The following FRS3 variants were observed in gnomAD, a reference collection of about 807,000 sequenced individuals.
FRS3 encodes the protein FGFR substrate 3.
A neutral mutation model predicts 41.9 loss-of-function variants in FRS3; 17 were observed. The observed-to-expected ratio is 0.41, with a 90% confidence interval of 0.28 to 0.61. The LOEUF (loss-of-function observed/expected upper bound fraction) is 0.61, where lower values mean the gene tolerates loss of function less well. FRS3 is among the 20% of genes least tolerant of loss of function. The pLI is 0.36. For synonymous variants in FRS3, 287 were observed against 274.5 expected (o/e 1.05, Z -0.45); for missense variants, 619 against 672.1 (o/e 0.92, Z 0.87).
At chr6:41,779,494 T>C (rs568545345) in intron 1 of FRS3, among the ~76,000 whole-genome samples, 46 of 151,838 alleles carry the variant, frequency 3.0e-4, no homozygotes, top group African/African-American at 9.4e-4. Context: ...AGGAGATTTG[T>C]TGAGTGAATG....
At chr6:41,774,981 G>A (rs1470004375) in intron 4 of FRS3, among the ~76,000 whole-genome samples, 2 of 152,064 alleles carry the variant, frequency 1.3e-5, no homozygotes, top group South Asian at 2.1e-4. Flanking sequence ...CTCACCCAGC[G>A]CCCCTGCCTC....
At chr6:41,779,508 G>C (rs185201073) in intron 1 of FRS3, among the ~76,000 whole-genome samples, 7 of 152,056 alleles carry the variant, frequency 4.6e-5, no homozygotes, top group African/African-American at 1.7e-4. Flanking sequence ...GTGAATGAGG[G>C]GGTTCTGAGG....
chr6:41,770,895 G>T lies in FRS3; in HGVS notation c.1203C>A (p.Asn401Lys). Residue 401 changes from asparagine to lysine, a missense_variant, in exon 7 of 7, where the codon AAC becomes AAA. Physicochemically the swap from Asn to Lys is moderately conservative, Grantham distance 94. Coordinates refer to ENST00000373018, the MANE Select transcript of FRS3 (RefSeq NM_006653.5). ...CGGGCCCCGGCCGGCGGAAATCAAA[G>T]TTGAAGACCCTTGGGGAGCCGCGGC... The part of the protein sequence containing the change: ...TRRRGSPRVF[N>K]FDFRRPGPEP... 3 of 1,610,914 alleles carry T rather than the reference G, an allele frequency of 1.9e-6. No individual in the cohort carries two copies. Among genetic ancestry groups the T allele is most frequent in the Non-Finnish European group, 2.5e-6 (3 of 1,179,976 alleles).
chr6:41,770,781 G>A lies in FRS3; in HGVS notation c.1317C>T (p.Pro439=), dbSNP rs375323570. ...RPKGPQNPSS[P]QAPMPTTHPA... ...GGTGGGTGGTGGGCATGGGGGCTTG[G>A]GGGCTCGAGGGGTTCTGGGGCCCCT... Residue 439 remains proline, a synonymous_variant, in exon 7 of 7, where the codon CCC becomes CCT. Coordinates refer to ENST00000373018, the MANE Select transcript of FRS3 (RefSeq NM_006653.5). 6.2e-6 allele frequency: 10 copies of A among 1,612,316 alleles called. No homozygotes were observed. The African/African-American group carries it at 9.3e-5, about 15-fold the overall frequency.
In FRS3 at chr6:41,771,150, C is replaced by CCGG; in HGVS notation, c.945_947dup (p.Arg316dup). 6.4e-7 allele frequency: 1 copy of CCGG among 1,557,710 alleles called. No homozygotes were observed. Among genetic ancestry groups the CCGG allele is most frequent in the South Asian group, 1.2e-5 (1 of 81,968 alleles). ...GGTTCTCATAGTGCAGCAGGGCGGC[C>CCGG]CGGCGGTGGGCAAGGCCATTCCAGC... On this transcript the variant is annotated inframe_insertion, in exon 7 of 7. Coordinates refer to ENST00000373018, the MANE Select transcript of FRS3 (RefSeq NM_006653.5).
At chr6:41,771,688 G>C in intron 6 of FRS3, 128 bp downstream of exon 6, 3 of 1,185,898 alleles carry the variant, frequency 2.5e-6, no homozygotes, top group Non-Finnish European at 2.3e-6. Flanking sequence ...TCCCTTTTGG[G>C]GACAGGAAGG....
Position 41,770,868 on chromosome 6 carries a change from C to T in FRS3, c.1230G>A (p.Glu410=), listed in dbSNP as rs1254792181. The T allele has an allele frequency of 6.2e-7, 1 of 1,609,582 alleles. No homozygotes were observed. Among genetic ancestry groups the T allele is most frequent in the Non-Finnish European group, 8.5e-7 (1 of 1,179,920 alleles). ...GGATGTAGTTAAGCTGCCTTGGGGGCTCGGGCCCCGGCCGGCGGAAATCAA... is the reference window on the plus strand; with the variant it reads ...GGATGTAGTTAAGCTGCCTTGGGGGTTCGGGCCCCGGCCGGCGGAAATCAA... ...FNFDFRRPGP[E]PPRQLNYIQV... is the part of the protein sequence containing the mutation. The change falls in exon 7 of 7, where the codon GAG becomes GAA. Residue 410 remains glutamate, a synonymous_variant. Coordinates refer to ENST00000373018, the MANE Select transcript of FRS3 (RefSeq NM_006653.5).
Position 41,775,410 on chromosome 6 carries a change from G to C in FRS3, c.253+9C>G, listed in dbSNP as rs765342984. The C allele has an allele frequency of 1.2e-5, 19 of 1,605,008 alleles. No individual in the cohort carries two copies. Among genetic ancestry groups the C allele is most frequent in the Non-Finnish European group, 1.5e-5 (18 of 1,176,712 alleles). Reference sequence around the variant, plus strand: ...CCTATCCCAGGGTGGAGCAGGGCCTGGTACTCACCCTGGCCTGTCTGACAT... The same window carrying C: ...CCTATCCCAGGGTGGAGCAGGGCCTCGTACTCACCCTGGCCTGTCTGACAT... On this transcript the variant is annotated intron_variant, in intron 4 of 6. Transcript: ENST00000373018.
At position 41,771,282 on chromosome 6, in the gene FRS3, GTTA is replaced by G. The variant is rs1297017644; in HGVS notation, c.813_815del (p.Asn273del). 1.2e-6 allele frequency: 2 copies of G among 1,612,842 alleles called. No individual in the cohort carries two copies. Among genetic ancestry groups the G allele is most frequent in the Non-Finnish European group, 1.7e-6 (2 of 1,179,256 alleles). ...CTGGACACTCAGAAGGGGCCTCATT[GTTA>G]TTATTGTGGTGTGGGGGGTCATGCA... is the stretch of plus-strand genomic sequence containing the variant. On this transcript the variant is annotated inframe_deletion, in exon 7 of 7. Coordinates refer to ENST00000373018, the MANE Select transcript of FRS3 (RefSeq NM_006653.5).
rs1312525816 is a variant in FRS3 at position 41,771,262 on chromosome 6, C to T, written c.836G>A (p.Cys279Tyr). 6.2e-7 allele frequency: 1 copy of T among 1,607,966 alleles called. No homozygotes were observed. Among genetic ancestry groups the T allele is most frequent in the South Asian group, 1.1e-5 (1 of 90,472 alleles). Reference sequence around the variant, plus strand: ...GTAGGTGCACTTGGGCTGGGCTGGACACTCAGAAGGGGCCTCATTGTTATT... The same window carrying T: ...GTAGGTGCACTTGGGCTGGGCTGGATACTCAGAAGGGGCCTCATTGTTATT... ...HNNNNEAPSE[C>Y]PAQPKCTYEN... Residue 279 changes from cysteine to tyrosine, a missense_variant, in exon 7 of 7, where the codon TGT (cysteine) becomes TAT (tyrosine). Around this residue, in one of 3 missense-constraint regions of FRS3, gnomAD observed 487 missense variants for 478.3 expected, o/e 1.02. Coordinates refer to ENST00000373018, the MANE Select transcript of FRS3 (RefSeq NM_006653.5).
intron 3 of FRS3, among the ~76,000 whole-genome samples, chr6:41,776,054 A>T (rs149013270): frequency 2.0e-5 from 3 of 152,246 alleles, no homozygotes; most frequent in African/African-American, 7.2e-5. Flanking sequence ...CACCTCCCCA[A>T]CTGTGTGCCC....
At chr6:41,777,122 CTG>C in intron 2 of FRS3, 112 bp from the exon 3 acceptor site, 1 of 712,084 alleles carries the variant, frequency 1.4e-6, no homozygotes, top group East Asian at 2.7e-5. Context: ...GTCCAAGAGA[CTG>C]TGTGATACAG....
chr6:41,773,499 C>A (rs1408190213), intron 4 of FRS3, among the ~76,000 whole-genome samples: 1 of 152,184 alleles, frequency 6.6e-6, no homozygotes, highest in Non-Finnish European at 1.5e-5. Context: ...CCACATTGAA[C>A]ACTCCAGCTA....
In FRS3 at chr6:41,771,478, T is replaced by C; in HGVS notation, c.620A>G (p.His207Arg). Residue 207 changes from histidine to arginine, a missense_variant, in exon 7 of 7, where the codon CAC (histidine) becomes CGC (arginine). His to Arg is a conservative substitution (Grantham distance 29). Transcript: ENST00000373018. ...ASEDDHRRGR[H>R]CLQPLPEGQA... ...ACCCTCAGGCAGGGGCTGCAGGCAG[T>C]GGCGGCCCCTGCGGTGGTCATCTTC... 6.3e-7 allele frequency: 1 copy of C among 1,587,644 alleles called. No homozygotes were observed. The highest frequency in any genetic ancestry group is 8.6e-7 in the Non-Finnish European group (1 of 1,167,228).
At chr6:41,779,120 C>A (rs909105241) in intron 1 of FRS3, among the ~76,000 whole-genome samples, 3 of 152,034 alleles carry the variant, frequency 2.0e-5, no homozygotes, top group East Asian at 3.9e-4. Flanking sequence ...GACGGGGGCA[C>A]GGCGCGGGCA....
At chr6:41,772,121 T>C (rs907604150) in intron 5 of FRS3, among the ~76,000 whole-genome samples, 157 bp from the exon 6 acceptor site, 2 of 152,276 alleles carry the variant, frequency 1.3e-5, no homozygotes, top group East Asian at 3.9e-4. Context: ...AGCCCCCCAT[T>C]ATCCTTCATC....
At chr6:41,779,347 G>T (rs779720795) in intron 1 of FRS3, among the ~76,000 whole-genome samples, 1 of 151,970 alleles carries the variant, frequency 6.6e-6, no homozygotes, top group Non-Finnish European at 1.5e-5. Flanking sequence ...GACGTTTGGG[G>T]AAACATGAGC....
intron 1 of FRS3, among the ~76,000 whole-genome samples, chr6:41,779,532 C>G (rs1457064495): frequency 2.0e-5 from 3 of 151,694 alleles, no homozygotes; most frequent in Non-Finnish European, 4.4e-5. Context: ...CCAGGAGATG[C>G]GATGATGTGT....
rs541611528 is a variant in FRS3 at position 41,777,205 on chromosome 6, A to C, written c.-23-195T>G. On this transcript the variant is annotated intron_variant, in intron 2 of 6. Transcript: ENST00000373018. ...CATTGGATAAACGTTAATTCAAGTT[A>C]CAATGTGTTAAGGATGAATGCCGAT... is the stretch of plus-strand genomic sequence containing the variant. Among the ~76,000 whole-genome samples, 75 of 152,302 alleles carry C rather than the reference A, an allele frequency of 4.9e-4. No homozygotes were observed. In the South Asian group the frequency reaches 0.013, roughly 26 times the overall value.
Sources: gnomAD v4.1 joint callset for allele counts (sites outside exome capture counted in the v4.1 genomes callset) on GRCh38, gnomAD v4.1.1 for gene constraint, gnomAD v4.1.1 regional missense constraint, MANE v1.5 for transcripts, NCBI Gene and HGNC (gene_info 2026-07-23, HGNC 2026-07-21) for gene names.